EPS8L3: variants seen among roughly 807,000 people sequenced by gnomAD.
EPS8L3 encodes the protein EPS8 signaling adaptor L3, also known as epidermal growth factor receptor kinase substrate 8-like protein 3.
A neutral mutation model predicts 88.5 loss-of-function variants in EPS8L3; 80 were observed. That is an observed-to-expected ratio of 0.90 (90% CI 0.75 to 1.09). The LOEUF (loss-of-function observed/expected upper bound fraction) is 1.09, where lower values mean the gene tolerates loss of function less well. Ranked by LOEUF, EPS8L3 falls within the 50% of genes least tolerant of loss-of-function variation. EPS8L3 has a pLI of 0.00. For missense variants in EPS8L3, 721 were observed against 735.2 expected (o/e 0.98, Z 0.22); for synonymous variants, 286 against 291.0 (o/e 0.98, Z 0.18).
At chr1:109,762,707 C>T (rs1651111269) in intron 1 of EPS8L3, among the ~76,000 whole-genome samples, 1 of 152,210 alleles carries the variant, frequency 6.6e-6, no homozygotes, top group Non-Finnish European at 1.5e-5. Flanking sequence ...CCTCACAAGG[C>T]AGGTACTGGT....
rs1448567256 is a variant in EPS8L3, at chr1:109,758,316, C to T, written c.717G>A (p.Glu239=). The change falls in exon 8 of 19, where the codon GAG becomes GAA. Residue 239 remains glutamate (E), a splice_region_variant and synonymous_variant. Transcript: ENST00000361965. ...CAAACTCAAGACCATCCGCAGTTAC[C>T]TCGTCCCTCTCTGGGTCCTCGGGGG... ...SSSPEDPERD[E]EVLNHVLRDI... The T allele has an allele frequency of 1.2e-6, 2 of 1,612,886 alleles. No individual in the cohort carries two copies. Among genetic ancestry groups the T allele is most frequent in the East Asian group, 4.5e-5 (2 of 44,870 alleles).
At chr1:109,761,824 A>G (rs1016189157) in intron 1 of EPS8L3, 51 bp from the exon 2 acceptor site, 21 of 1,536,786 alleles carry the variant, frequency 1.4e-5, no homozygotes, top group Non-Finnish European at 1.9e-5. Flanking sequence ...GGAAAGGTGT[A>G]CCAGGCACAG....
rs1179144839 is a variant in EPS8L3, at chr1:109,757,072, T to C, written c.1063A>G (p.Ser355Gly). The stretch of plus-strand genomic sequence containing the variant: ...ATCCAAAGGTTACTCTCAGGTGGGC[T>C]TAGACAGGACTGTAGCAGGTTGATA... ...KAINLLQSCL[S>G]PPESNLWMGL... The change falls in exon 12 of 19, where the codon AGC (serine) becomes GGC (glycine). Residue 355 changes from serine (S) to glycine (G), a missense_variant. Physicochemically the swap from Ser to Gly is moderately conservative, Grantham distance 56 (BLOSUM62 0). Transcript: ENST00000361965. 1.2e-6 allele frequency: 2 copies of C among 1,614,046 alleles called. No individual in the cohort carries two copies. Among genetic ancestry groups the C allele is most frequent in the African/African-American group, 2.7e-5 (2 of 74,920 alleles).
At chr1:109,761,857 C>T in intron 1 of EPS8L3, 84 bp from the exon 2 acceptor site, 1 of 1,273,180 alleles carries the variant, frequency 7.9e-7, no homozygotes, top group Non-Finnish European at 1.1e-6. Flanking sequence ...GTTGCTATTG[C>T]TCTGACTGGG....
At position 109,759,530 on chromosome 1, in the gene EPS8L3, C is replaced by G. The variant is rs981363603; in HGVS notation, c.256-143G>C. 1 of 1,488,762 alleles carries G rather than the reference C, an allele frequency of 6.7e-7. No homozygotes were observed. Among genetic ancestry groups the G allele is most frequent in the East Asian group, 2.3e-5 (1 of 42,732 alleles). 92.2% of individuals were successfully genotyped at this position (1,488,762 alleles called of 1,614,324 possible). ...ACTCTTGTGCCTCTGTCCCCAGCCT[C>G]TGTCCCCTGTCTCTTCCTAGGCTTG... is the stretch of plus-strand genomic sequence containing the variant. On this transcript the variant is annotated intron_variant, in intron 4 of 18. Transcript: ENST00000361965. This position sits in a 1 kb window ranked among gnomAD's most constrained non-coding sequence, Gnocchi z 4.2.
Position 109,751,326 on chromosome 1 carries a change from C to T in EPS8L3, c.1589G>A (p.Arg530Lys), listed in dbSNP as rs866379026. Residue 530 changes from arginine (R) to lysine (K), a missense_variant, in exon 17 of 19, where the codon AGG becomes AAG. Physicochemically the swap from Arg to Lys is conservative, Grantham distance 26. Coordinates refer to ENST00000361965, the MANE Select transcript of EPS8L3 (RefSeq NM_133181.4). ...CAGCCAGTCTGTGACCTCTTCAGGC[C>T]TCGAGCTAAGTCGAAGCATTGGAAC... Reference protein sequence around the residue: ...SRVPMLRLSSRPEEVTDWLQA... With the variant: ...SRVPMLRLSSKPEEVTDWLQA... The T allele has an allele frequency of 1.4e-5, 22 of 1,613,930 alleles. No individual in the cohort carries two copies. The Middle Eastern group carries it at 3.6e-3, about 266-fold the overall frequency.
At chr1:109,760,887 C>T (rs1570705081) in intron 3 of EPS8L3, among the ~76,000 whole-genome samples, 2 of 152,182 alleles carry the variant, frequency 1.3e-5, no homozygotes, top group Non-Finnish European at 2.9e-5. Flanking sequence ...GCTTCGCCTT[C>T]ACCTTGGTGT....
intron 17 of EPS8L3, 74 bp downstream of exon 17, chr1:109,751,204 C>A: frequency 1.5e-6 from 2 of 1,338,722 alleles, no homozygotes; most frequent in Admixed American, 1.9e-5. Flanking sequence ...GTTGTATGTT[C>A]TGGGTCTCTG....
intron 14 of EPS8L3, 100 bp from the exon 15 acceptor site, chr1:109,752,293 G>A (rs753182605): frequency 2.7e-5 from 33 of 1,220,336 alleles, no homozygotes; most frequent in Non-Finnish European, 3.7e-5. Flanking sequence ...CCTGCAGTCT[G>A]ATGGTGACTT....
In EPS8L3 at chr1:109,759,213, T is replaced by C; in HGVS notation, c.405+25A>G. 1.2e-6 allele frequency: 2 copies of C among 1,601,102 alleles called. No homozygotes were observed. ...GGTGATGGTCGATGAACCCCACCCC[T>C]GACCAATCACCCCCGACCACTCACC... On this transcript the variant is annotated intron_variant, in intron 5 of 18. Coordinates refer to ENST00000361965, the MANE Select transcript of EPS8L3 (RefSeq NM_133181.4). This position sits in a 1 kb window ranked among gnomAD's most constrained non-coding sequence, Gnocchi z 4.2.
At chr1:109,753,547 G>A (rs1054854314) in intron 12 of EPS8L3, among the ~76,000 whole-genome samples, 1 of 152,200 alleles carries the variant, frequency 6.6e-6, no homozygotes, top group East Asian at 1.9e-4. Context: ...CAACACCCCA[G>A]GGGTCTTGTG....
At chr1:109,763,534 TC>T (rs1318728824) in intron 1 of EPS8L3, among the ~76,000 whole-genome samples, 2 of 151,840 alleles carry the variant, frequency 1.3e-5, no homozygotes, top group Admixed American at 1.3e-4. Context: ...ACAGCCCATT[TC>T]CCCCCTTTAA....
chr1:109,750,807 G>A lies in EPS8L3; in HGVS notation c.1638-15C>T. The A allele has an allele frequency of 6.2e-7, 1 of 1,613,958 alleles. No individual in the cohort carries two copies. The highest frequency in any genetic ancestry group is 8.5e-7 in the Non-Finnish European group (1 of 1,179,894). On this transcript the variant is annotated splice_polypyrimidine_tract_variant and intron_variant, in intron 17 of 18. Transcript: ENST00000361965. ...TCCTCACCGTGCTGTGAACAAAACAGCAAAAGCCATCCGTGGTGGGCTGGA... is the reference window on the plus strand; with the variant it reads ...TCCTCACCGTGCTGTGAACAAAACAACAAAAGCCATCCGTGGTGGGCTGGA...
intron 15 of EPS8L3, 72 bp from the exon 16 acceptor site, chr1:109,751,854 T>G: frequency 6.3e-7 from 1 of 1,597,530 alleles, no homozygotes; most frequent in Non-Finnish European, 8.5e-7. Context: ...CAAGGCTTTC[T>G]CCCTCCAGCT....
chr1:109,759,953 A>G lies in EPS8L3; in HGVS notation c.97-117T>C. ...GACGTGTCCTCGGCCCCCTTGAGGT[A>G]GGAGGTTCCAGGCTTCAGATAAAGC... On this transcript the variant is annotated intron_variant, in intron 3 of 18. Coordinates refer to ENST00000361965, the MANE Select transcript of EPS8L3 (RefSeq NM_133181.4). This position sits in a 1 kb window ranked among gnomAD's most constrained non-coding sequence, Gnocchi z 4.2. The G allele has an allele frequency of 9.0e-7, 1 of 1,105,524 alleles. No homozygotes were observed. Among genetic ancestry groups the G allele is most frequent in the Non-Finnish European group, 1.3e-6 (1 of 783,174 alleles). 68.5% of individuals were successfully genotyped at this position (1,105,524 alleles called of 1,614,324 possible).
chr1:109,752,830 T>C, intron 13 of EPS8L3, 110 bp from the exon 14 acceptor site: 1 of 999,314 alleles, frequency 1.0e-6, no homozygotes, highest in Admixed American at 2.0e-5. Context: ...AGCTGCCTCC[T>C]ATCCCCTTTC....
intron 12 of EPS8L3, among the ~76,000 whole-genome samples, chr1:109,754,538 T>A (rs1650104273): frequency 6.6e-6 from 1 of 152,238 alleles, no homozygotes; most frequent in Non-Finnish European, 1.5e-5. Context: ...TTTAAAAGTA[T>A]TTATCAATTG....
intron 12 of EPS8L3, 46 bp downstream of exon 12, chr1:109,756,971 C>T (rs1263089187): frequency 1.2e-6 from 2 of 1,613,544 alleles, no homozygotes; most frequent in Admixed American, 1.7e-5. Flanking sequence ...CCTGATGCCT[C>T]CATGCCCCTC....
At chr1:109,752,831 A>C in intron 13 of EPS8L3, 111 bp from the exon 14 acceptor site, 8 of 995,784 alleles carry the variant, frequency 8.0e-6, no homozygotes, top group Non-Finnish European at 1.2e-5. Flanking sequence ...GCTGCCTCCT[A>C]TCCCCTTTCC....
Sources: gnomAD v4.1 joint callset for allele counts (sites outside exome capture counted in the v4.1 genomes callset) on GRCh38, gnomAD v4.1.1 for gene constraint, Gnocchi (gnomAD v3.1) non-coding constraint, MANE v1.5 for transcripts, NCBI Gene and HGNC (gene_info 2026-07-23, HGNC 2026-07-21) for gene names.